MRAP2: variants seen among roughly 807,000 people sequenced by gnomAD.
MRAP2 encodes the protein melanocortin-2 receptor accessory protein 2.
In MRAP2, 20 loss-of-function variants were observed where a neutral mutation model predicts 17.4. The ratio of observed to expected loss-of-function variants is 1.15; its 90% CI spans 0.81 to 1.67. The LOEUF (loss-of-function observed/expected upper bound fraction) is 1.67. MRAP2 is among the 40% of genes most tolerant of loss of function. The pLI, the probability that MRAP2 is intolerant of heterozygous loss-of-function variation, is 0.00. For synonymous variants in MRAP2, 96 were observed against 88.4 expected (o/e 1.09, Z -0.48); for missense variants, 238 against 240.0 (o/e 0.99, Z 0.05).
chr6:84,071,085 G>A (rs1479788630), intron 3 of MRAP2, among the ~76,000 whole-genome samples: 1 of 152,104 alleles, frequency 6.6e-6, no homozygotes, highest in Non-Finnish European at 1.5e-5. Flanking sequence ...TTGGATAAGA[G>A]GTACCATTGC....
intron 3 of MRAP2, among the ~76,000 whole-genome samples, chr6:84,071,478 G>C (rs2129170693): frequency 6.6e-6 from 1 of 152,190 alleles, no homozygotes; most frequent in South Asian, 2.1e-4. Context: ...TTCCTTTATA[G>C]GTTACCTAAT....
At chr6:84,034,515 C>A (rs539448656) in intron 1 of MRAP2, among the ~76,000 whole-genome samples, 2 of 146,920 alleles carry the variant, frequency 1.4e-5, no homozygotes, top group African/African-American at 2.6e-5. Flanking sequence ...GCCCGCCCCG[C>A]GCCCCGTGCC....
At chr6:84,120,162 G>A in the MRAP2 span, among the ~76,000 whole-genome samples, 2 of 152,178 alleles carry the variant, frequency 1.3e-5, no homozygotes, top group Non-Finnish European at 2.9e-5. Context: ...GAAGAAGGGT[G>A]TCTTAGCTCC....
chr6:84,093,160 TG>T (rs1438900594), downstream of MRAP2, among the ~76,000 whole-genome samples: 1 of 152,140 alleles, frequency 6.6e-6, no homozygotes, highest in African/African-American at 2.4e-5. Flanking sequence ...CCATTTCAGT[TG>T]AAGTTGTTAT....
At chr6:84,034,652 C>G (rs900874321) in intron 1 of MRAP2, among the ~76,000 whole-genome samples, 2 of 151,896 alleles carry the variant, frequency 1.3e-5, no homozygotes, top group Admixed American at 1.3e-4. Context: ...AGCCACTACT[C>G]TGCATTTAGT....
At chr6:84,122,700 A>G in the MRAP2 span, among the ~76,000 whole-genome samples, 1 of 152,182 alleles carries the variant, frequency 6.6e-6, no homozygotes, top group African/African-American at 2.4e-5. Flanking sequence ...CACCACGTCT[A>G]TTCAATACAG....
At chr6:84,092,578 T>C (rs2099501948), downstream of MRAP2, among the ~76,000 whole-genome samples, 1 of 152,150 alleles carries the variant, frequency 6.6e-6, no homozygotes, top group Non-Finnish European at 1.5e-5. Flanking sequence ...AATAAGTTAT[T>C]TTCTCCCAAA....
chr6:84,046,803 A>AG, intron 1 of MRAP2, among the ~76,000 whole-genome samples: 1 of 151,468 alleles, frequency 6.6e-6, no homozygotes, highest in South Asian at 2.1e-4. Context: ...AAAAAAAAAA[A>AG]AAAGGAGAAT....
rs533282938 is a variant in MRAP2 at position 84,033,796 on chromosome 6, A to AGGCGGCGGC, written c.-84_-76dup. On this transcript the variant is annotated 5_prime_UTR_variant, in exon 1 of 4. Transcript: ENST00000257776. ...TACTCGCCCGGCCCTGGGCGGTGGGAGGCGGCGGCGGCGGCGGCGCTCGCG... is the reference window on the plus strand; with the variant it reads ...TACTCGCCCGGCCCTGGGCGGTGGGAGGCGGCGGCGGCGGCGGCGGCGGCGGCGCTCGCG... The AGGCGGCGGC allele has an allele frequency of 2.8e-5, 28 of 986,560 alleles. 1 individual carries two copies. The East Asian group carries it at 6.8e-4, about 24-fold the overall frequency. 61.1% of individuals were successfully genotyped at this position (986,560 alleles called of 1,614,324 possible).
At chr6:84,134,490 A>C in the MRAP2 span, among the ~76,000 whole-genome samples, 1 of 152,272 alleles carries the variant, frequency 6.6e-6, no homozygotes, top group South Asian at 2.1e-4. Context: ...CACCCAAGTG[A>C]ATCTTCTGGT....
the MRAP2 span, among the ~76,000 whole-genome samples, chr6:84,138,147 T>C: frequency 6.6e-6 from 1 of 152,224 alleles, no homozygotes; most frequent in Admixed American, 6.5e-5. Context: ...ATGTATAGTG[T>C]GCTTTCATCT....
intron 3 of MRAP2, among the ~76,000 whole-genome samples, chr6:84,064,663 A>AT (rs1562881609): frequency 2.0e-5 from 3 of 151,894 alleles, no homozygotes; most frequent in East Asian, 1.9e-4. Context: ...ACTTTTTTGT[A>AT]TTTTTAGTAG....
At chr6:84,034,482 C>G (rs1202170166) in intron 1 of MRAP2, among the ~76,000 whole-genome samples, 1 of 145,164 alleles carries the variant, frequency 6.9e-6, no homozygotes, top group African/African-American at 2.6e-5. Context: ...CGCCCCACCC[C>G]GCAACCCGCC....
chr6:84,135,243 AT>A, the MRAP2 span, among the ~76,000 whole-genome samples: 2 of 152,244 alleles, frequency 1.3e-5, no homozygotes, highest in African/African-American at 4.8e-5. Context: ...AATAGCATCA[AT>A]AAAAAGCATA....
chr6:84,077,769 T>C (rs2099497984), intron 3 of MRAP2, among the ~76,000 whole-genome samples: 1 of 152,148 alleles, frequency 6.6e-6, no homozygotes, highest in Admixed American at 6.5e-5. Flanking sequence ...GTGGTCTAAC[T>C]GGATAAACAT....
At chr6:84,046,198 G>A (rs1283998194) in intron 1 of MRAP2, among the ~76,000 whole-genome samples, 1 of 152,114 alleles carries the variant, frequency 6.6e-6, no homozygotes, top group Non-Finnish European at 1.5e-5. Flanking sequence ...AATGATAATT[G>A]TTAATAATAG....
At chr6:84,123,617 T>TAA in the MRAP2 span, among the ~76,000 whole-genome samples, 1 of 151,968 alleles carries the variant, frequency 6.6e-6, no homozygotes, top group Non-Finnish European at 1.5e-5. Flanking sequence ...TTAAAAGTAT[T>TAA]AAAATGCTAG....
chr6:84,083,224 C>T (rs188409477), intron 3 of MRAP2, among the ~76,000 whole-genome samples: 26 of 152,322 alleles, frequency 1.7e-4, no homozygotes, highest in African/African-American at 6.0e-4. Flanking sequence ...AGTGTTCAAT[C>T]TCCTTAGGAT....
chr6:84,039,732 G>A (rs768681303), intron 1 of MRAP2, among the ~76,000 whole-genome samples: 4 of 152,122 alleles, frequency 2.6e-5, no homozygotes, highest in Non-Finnish European at 5.9e-5. Flanking sequence ...TTTTCCTCTT[G>A]CATGTTCTTG....
Sources: allele counts gnomAD v4.1 joint callset (sites outside exome capture counted in the v4.1 genomes callset), GRCh38; gene constraint gnomAD v4.1.1; transcripts MANE v1.5; gene names NCBI Gene and HGNC (gene_info 2026-07-23, HGNC 2026-07-21).